NUDT11: variants seen among roughly 807,000 people sequenced by gnomAD.
The protein encoded by NUDT11 is diphosphoinositol polyphosphate phosphohydrolase 3-beta.
A neutral mutation model predicts 10.0 loss-of-function variants in NUDT11; 1 was observed. The ratio of observed to expected loss-of-function variants is 0.10; its 90% CI spans 0.04 to 0.47. The LOEUF (loss-of-function observed/expected upper bound fraction) is 0.47, where lower values mean the gene tolerates loss of function less well. NUDT11 is among the 20% of genes least tolerant of loss of function. The pLI is 0.96. For missense variants in NUDT11, 47 were observed against 140.4 expected (o/e 0.33, Z 3.36); for synonymous variants, 63 against 65.9 (o/e 0.96, Z 0.21).
chrX:51,493,531 T>C (rs1158866570), intron 1 of NUDT11, among the ~76,000 whole-genome samples: 1 of 112,001 alleles, frequency 8.9e-6, no homozygotes, highest in Non-Finnish European at 1.9e-5. Context: ...CATTTAAGTA[T>C]AGGTAAACAA....
chrX:51,494,702 G>A (rs1481596917), intron 1 of NUDT11, among the ~76,000 whole-genome samples: 1 of 111,347 alleles, frequency 9.0e-6, no homozygotes, highest in African/African-American at 3.3e-5. Context: ...ATGAGTAGGA[G>A]GTTTTTGGAT....
chrX:51,495,907 G>C, intron 1 of NUDT11, 44 bp downstream of exon 1: 1 of 1,197,156 alleles, frequency 8.4e-7, no homozygotes, highest in Non-Finnish European at 1.1e-6. Context: ...CATTTTAAGC[G>C]AGGCAGACAA....
In NUDT11 at chrX:51,496,259, C is replaced by G; in HGVS notation, c.186G>C (p.Ala62=). 8.3e-7 allele frequency: 1 copy of G among 1,210,824 alleles called. No individual in the cohort carries two copies. The highest frequency in any genetic ancestry group is 1.8e-5 in the South Asian group (1 of 56,807). ...MEPEEEPGGA[A]VREVYEEAGV... ...CCGCTTCTTCGTACACCTCTCGGAC[C>G]GCCGCACCGCCCGGCTCCTCCTCGG... Residue 62 remains alanine (A), a synonymous_variant, in exon 1 of 2, where the codon GCG becomes GCC. Coordinates refer to ENST00000375992, the MANE Select transcript of NUDT11 (RefSeq NM_018159.4).
In NUDT11 at chrX:51,491,680, C is replaced by G. The variant is rs782266093; in HGVS notation, c.*69G>C. ...CACAGAAGTGCTCACCTGTACTTGA[C>G]AATTCCACTGATCACTGGGTTCACA... On this transcript the variant is annotated 3_prime_UTR_variant, in exon 2 of 2. Transcript: ENST00000375992. The G allele has an allele frequency of 1.8e-6, 1 of 567,503 alleles. No homozygotes were observed. Among genetic ancestry groups the G allele is most frequent in the East Asian group, 3.3e-5 (1 of 30,703 alleles). The allele number at this position is 567,503 out of a possible 1,213,427, so 46.8% of individuals were successfully genotyped here.
chrX:51,494,633 AGC>A (rs1925662515), intron 1 of NUDT11, among the ~76,000 whole-genome samples: 3 of 109,975 alleles, frequency 2.7e-5, no homozygotes, highest in African/African-American at 9.9e-5. Flanking sequence ...AAAAAAAAAC[AGC>A]AGAGACGGTT....
chrX:51,494,063 G>C (rs966538676), intron 1 of NUDT11, among the ~76,000 whole-genome samples: 1 of 111,677 alleles, frequency 9.0e-6, no homozygotes, highest in Non-Finnish European at 1.9e-5. Context: ...AAAATCTTAA[G>C]ATCCATTTTA....
rs1297906159 is a variant in NUDT11 at position 51,495,927 on chromosome X, T to C, written c.494+24A>G. On this transcript the variant is annotated intron_variant, in intron 1 of 1. Coordinates refer to ENST00000375992, the MANE Select transcript of NUDT11 (RefSeq NM_018159.4). ...TAAGCGAGGCAGACAAATAGAAGTC[T>C]GCGCGAGCGCAAGCGGTACATACTA... 4.1e-6 allele frequency: 5 copies of C among 1,205,651 alleles called. No individual in the cohort carries two copies. In the East Asian group the frequency reaches 1.2e-4, roughly 29 times the overall value.
At chrX:51,494,827 A>T (rs2146660485) in intron 1 of NUDT11, among the ~76,000 whole-genome samples, 1 of 112,224 alleles carries the variant, frequency 8.9e-6, no homozygotes, top group Non-Finnish European at 1.9e-5. Flanking sequence ...CAGGAATCCT[A>T]ATAGTTTGAC....
intron 1 of NUDT11, among the ~76,000 whole-genome samples, chrX:51,492,571 C>T (rs111312303): frequency 0.11 from 11,868 of 110,542 alleles, 611 homozygotes; most frequent in Middle Eastern, 0.17. Context: ...GTTGGGGTTT[C>T]GCCATATTGG....
intron 1 of NUDT11, among the ~76,000 whole-genome samples, chrX:51,494,266 T>G (rs1925655230): frequency 8.9e-6 from 1 of 112,203 alleles, no homozygotes; most frequent in Non-Finnish European, 1.9e-5. Flanking sequence ...ATGTATCACT[T>G]TGTTAAGAGA....
intron 1 of NUDT11, among the ~76,000 whole-genome samples, chrX:51,492,188 G>C (rs1341135322): frequency 9.0e-6 from 1 of 111,480 alleles, no homozygotes; most frequent in Non-Finnish European, 1.9e-5. Flanking sequence ...GTCAGGAAAG[G>C]CTTCTCATTG....
intron 1 of NUDT11, 144 bp downstream of exon 1, chrX:51,495,807 G>A (rs782774779): frequency 4.4e-6 from 4 of 915,663 alleles, no homozygotes; most frequent in African/African-American, 4.0e-5. Flanking sequence ...GTTTGCAAGC[G>A]TGATTCAGAG....
rs1427004214 is a variant in NUDT11 at position 51,496,386 on chromosome X, G to A, written c.59C>T (p.Ala20Val). 8.3e-7 allele frequency: 1 copy of A among 1,207,261 alleles called. No homozygotes were observed. Among genetic ancestry groups the A allele is most frequent in the Non-Finnish European group, 1.1e-6 (1 of 894,388 alleles). The change falls in exon 1 of 2, where the codon GCG (alanine) becomes GTG (valine). Residue 20 changes from alanine (A) to valine (V), a missense_variant. Ala to Val is a moderately conservative substitution (Grantham distance 64, BLOSUM62 0). Coordinates refer to ENST00000375992, the MANE Select transcript of NUDT11 (RefSeq NM_018159.4). The part of the protein sequence containing the change: ...TYDPEGFKKR[A>V]ACLCFRSERE... ...TTCGCTCCGGAAGCACAGGCACGCC[G>A]CCCGCTTCTTGAACCCCTCGGGGTC...
At chrX:51,492,879 T>G (rs1557326327) in intron 1 of NUDT11, among the ~76,000 whole-genome samples, 1 of 112,562 alleles carries the variant, frequency 8.9e-6, no homozygotes, top group East Asian at 2.8e-4. Context: ...CACAAGGGAA[T>G]TCTAGAGGTG....
rs781840817 is a variant in NUDT11, at chrX:51,496,055, C to G, written c.390G>C (p.Gln130His). Reference protein sequence around the residue: ...FKVEDAIKVLQCHKPVHAEYL... With the variant: ...FKVEDAIKVLHCHKPVHAEYL... The stretch of plus-strand genomic sequence containing the variant: ...ATTCGGCGTGCACGGGCTTGTGGCA[C>G]TGGAGAACCTTGATGGCATCTTCGA... The change falls in exon 1 of 2, where the codon CAG becomes CAC. Residue 130 changes from glutamine (Q) to histidine (H), a missense_variant. Coordinates refer to ENST00000375992, the MANE Select transcript of NUDT11 (RefSeq NM_018159.4). 26 of 1,209,300 alleles carry G rather than the reference C, an allele frequency of 2.2e-5. No individual in the cohort carries two copies. The highest frequency in any genetic ancestry group is 2.9e-5 in the Non-Finnish European group (26 of 894,431).
Position 51,496,564 on chromosome X carries a change from G to C in NUDT11, c.-120C>G. ...CTGGGAAGAGAAAGGGCCGAGGCGA[G>C]GGGCGGGGAAAGAGAGGCGCCTCCG... is the stretch of plus-strand genomic sequence containing the variant. On this transcript the variant is annotated 5_prime_UTR_variant, in exon 1 of 2. Coordinates refer to ENST00000375992, the MANE Select transcript of NUDT11 (RefSeq NM_018159.4). 3.7e-6 allele frequency: 4 copies of C among 1,084,640 alleles called. No individual in the cohort carries two copies. The highest frequency in any genetic ancestry group is 4.9e-6 in the Non-Finnish European group (4 of 823,364). The allele number at this position is 1,084,640 out of a possible 1,213,427, so 89.4% of individuals were successfully genotyped here.
At chrX:51,495,320 T>A (rs1482039225) in intron 1 of NUDT11, among the ~76,000 whole-genome samples, 30 of 111,679 alleles carry the variant, frequency 2.7e-4, no homozygotes, top group African/African-American at 2.9e-4. Flanking sequence ...GCACAACATG[T>A]AGGATTTCCC....
In NUDT11 at chrX:51,496,575, A is replaced by C; in HGVS notation, c.-131T>G. The C allele has an allele frequency of 9.6e-7, 1 of 1,043,386 alleles. No homozygotes were observed. Among genetic ancestry groups the C allele is most frequent in the South Asian group, 2.5e-5 (1 of 39,549 alleles). The allele number at this position is 1,043,386 out of a possible 1,213,427, so 86.0% of individuals were successfully genotyped here. A position where few individuals can be genotyped will look rare whatever the true frequency, so the allele number is the denominator to read the frequency against. On this transcript the variant is annotated 5_prime_UTR_variant, in exon 1 of 2. Coordinates refer to ENST00000375992, the MANE Select transcript of NUDT11 (RefSeq NM_018159.4). ...AAGGGCCGAGGCGAGGGGCGGGGAAAGAGAGGCGCCTCCGTCTGCCCGCGA... is the reference window on the plus strand; with the variant it reads ...AAGGGCCGAGGCGAGGGGCGGGGAACGAGAGGCGCCTCCGTCTGCCCGCGA...
chrX:51,493,131 T>C (rs1602116428), intron 1 of NUDT11, among the ~76,000 whole-genome samples: 2 of 112,630 alleles, frequency 1.8e-5, no homozygotes, highest in Admixed American at 1.9e-4. Flanking sequence ...AAACTGTATA[T>C]ATTATAGACA....
Sources: allele counts gnomAD v4.1 joint callset (sites outside exome capture counted in the v4.1 genomes callset), GRCh38; gene constraint gnomAD v4.1.1; transcripts MANE v1.5; gene names NCBI Gene and HGNC (gene_info 2026-07-23, HGNC 2026-07-21).